The following PAN3 variants were observed in gnomAD, a reference collection of about 807,000 sequenced individuals.
The protein encoded by PAN3 is poly(A) specific ribonuclease subunit PAN3.
In PAN3, 19 loss-of-function variants were observed where a neutral mutation model predicts 96.2. The observed-to-expected ratio is 0.20, with a 90% confidence interval of 0.14 to 0.29. The LOEUF (loss-of-function observed/expected upper bound fraction) is 0.29, where lower values mean the gene tolerates loss of function less well. Among genes scored for constraint, PAN3 ranks in the 10% least tolerant of loss-of-function variants. PAN3 has a pLI of 1.00. For missense variants in PAN3, 882 were observed against 1,108.1 expected (o/e 0.80, Z 2.90); for synonymous variants, 433 against 406.6 (o/e 1.06, Z -0.78).
intron 6 of PAN3, among the ~76,000 whole-genome samples, chr13:28,242,207 T>C (rs1883734435): frequency 6.6e-6 from 1 of 152,204 alleles, no homozygotes; most frequent in South Asian, 2.1e-4. Context: ...TGCTGCTTGA[T>C]AGCATGATCA....
At chr13:28,279,487 C>T (rs969177289) in intron 15 of PAN3, among the ~76,000 whole-genome samples, 1 of 152,084 alleles carries the variant, frequency 6.6e-6, no homozygotes, top group Admixed American at 6.5e-5. Flanking sequence ...TGGCCGGGTG[C>T]AGTGGCTCAC....
chr13:28,226,597 C>T (rs899620703), intron 6 of PAN3, among the ~76,000 whole-genome samples: 3 of 151,984 alleles, frequency 2.0e-5, no homozygotes, highest in Admixed American at 6.5e-5. Context: ...TAATTTTTGT[C>T]TTGGAAAATA....
chr13:28,166,213 A>C (rs1420934139), intron 1 of PAN3, among the ~76,000 whole-genome samples: 1 of 152,210 alleles, frequency 6.6e-6, no homozygotes, highest in Admixed American at 6.5e-5. Flanking sequence ...GAAATCAGAC[A>C]AGTTACGCTT....
chr13:28,149,462 A>G (rs998581528), intron 1 of PAN3, among the ~76,000 whole-genome samples: 4 of 152,224 alleles, frequency 2.6e-5, no homozygotes, highest in Non-Finnish European at 5.9e-5. Flanking sequence ...AATGGCTCAC[A>G]TATCTAGAAA....
chr13:28,249,639 G>A (rs1884532206), intron 6 of PAN3, among the ~76,000 whole-genome samples: 1 of 151,812 alleles, frequency 6.6e-6, no homozygotes, highest in East Asian at 1.9e-4. Flanking sequence ...TAGTAGAGAC[G>A]GGGTTTCACC....
chr13:28,261,996 A>T (rs1259244335), intron 9 of PAN3, among the ~76,000 whole-genome samples: 1 of 152,174 alleles, frequency 6.6e-6, no homozygotes, highest in Non-Finnish European at 1.5e-5. Context: ...TATCTCCTGA[A>T]ACTTAATGAA....
intron 1 of PAN3, among the ~76,000 whole-genome samples, chr13:28,148,661 A>G (rs1375907973): frequency 6.6e-6 from 1 of 152,172 alleles, no homozygotes; most frequent in Non-Finnish European, 1.5e-5. Context: ...ACTGACAAAT[A>G]TTCTTTGCCT....
intron 1 of PAN3, among the ~76,000 whole-genome samples, chr13:28,147,158 A>T (rs543010979): frequency 3.3e-5 from 5 of 152,368 alleles, no homozygotes; most frequent in Admixed American, 2.0e-4. Context: ...CCGAAATTTT[A>T]ATTTTATTGC....
In PAN3 at chr13:28,230,544, T is replaced by A. The variant is rs538612978; in HGVS notation, c.1000+10166T>A. 6.4e-4 allele frequency among the ~76,000 whole-genome samples: 97 copies of A among 152,202 alleles called. No homozygotes were observed. In the South Asian group the frequency reaches 6.4e-3, roughly 10 times the overall value. On this transcript the variant is annotated intron_variant, in intron 6 of 18. Transcript: ENST00000380958. ...CAACTAAATTGTTCACATGAGAACA[T>A]GTCCTGGCAAAAAAAGAAAGAGAAA... is the stretch of plus-strand genomic sequence containing the variant.
chr13:28,147,274 A>T (rs9513049), intron 1 of PAN3, among the ~76,000 whole-genome samples: 1 of 152,210 alleles, frequency 6.6e-6, no homozygotes, highest in African/African-American at 2.4e-5. Flanking sequence ...TTCATTTATC[A>T]GAATGTAGCC....
At chr13:28,236,034 A>G (rs919834618) in intron 6 of PAN3, among the ~76,000 whole-genome samples, 5 of 152,068 alleles carry the variant, frequency 3.3e-5, no homozygotes, top group African/African-American at 1.2e-4. Flanking sequence ...CATGGCCTTC[A>G]TGTTAGTTTT....
intron 1 of PAN3, among the ~76,000 whole-genome samples, chr13:28,168,848 C>T (rs1277736365): frequency 6.6e-6 from 1 of 151,820 alleles, no homozygotes; most frequent in African/African-American, 2.4e-5. Flanking sequence ...GAAACCCCGT[C>T]TCTATTAAAA....
intron 5 of PAN3, among the ~76,000 whole-genome samples, chr13:28,213,734 T>C (rs1419275969): frequency 1.3e-5 from 2 of 148,820 alleles, no homozygotes; most frequent in Non-Finnish European, 3.0e-5. Flanking sequence ...TGGGGGATAC[T>C]TCAGACTATT....
intron 1 of PAN3, among the ~76,000 whole-genome samples, chr13:28,143,264 C>T (rs766353441): frequency 2.0e-5 from 3 of 151,884 alleles, no homozygotes; most frequent in Non-Finnish European, 2.9e-5. Context: ...CGTAACATTT[C>T]GTATTTCTGT....
intron 1 of PAN3, among the ~76,000 whole-genome samples, chr13:28,144,609 A>G (rs1210000563): frequency 6.6e-6 from 1 of 151,916 alleles, no homozygotes; most frequent in African/African-American, 2.4e-5. Flanking sequence ...GTAAAAGTGC[A>G]TTTGATGAGA....
intron 1 of PAN3, among the ~76,000 whole-genome samples, chr13:28,139,551 T>TGTGTGTGTGG (rs60579592): frequency 3.4e-5 from 3 of 87,000 alleles, no homozygotes; most frequent in African/African-American, 1.3e-4. Flanking sequence ...TGTGTGTGTG[T>TGTGTGTGTGG]AGGGGGCGGG....
intron 6 of PAN3, among the ~76,000 whole-genome samples, chr13:28,233,439 G>A (rs1445513609): frequency 2.0e-5 from 3 of 151,818 alleles, no homozygotes; most frequent in Admixed American, 6.6e-5. Flanking sequence ...GCTAACTTTT[G>A]TATTTTTAGT....
At chr13:28,267,460 T>A in intron 12 of PAN3, 59 bp downstream of exon 12, 1 of 1,342,422 alleles carries the variant, frequency 7.4e-7, no homozygotes, top group Non-Finnish European at 1.1e-6. Flanking sequence ...TGTGGAAGAG[T>A]AGTTTTCTAT....
At chr13:28,182,396 A>G (rs1875908210) in intron 4 of PAN3, among the ~76,000 whole-genome samples, 1 of 151,298 alleles carries the variant, frequency 6.6e-6, no homozygotes, top group Non-Finnish European at 1.5e-5. Flanking sequence ...TACTTCTTCC[A>G]TTTCTTTGGT....
Sources: gnomAD v4.1 joint callset for allele counts (sites outside exome capture counted in the v4.1 genomes callset) on GRCh38, gnomAD v4.1.1 for gene constraint, MANE v1.5 for transcripts, NCBI Gene and HGNC (gene_info 2026-07-23, HGNC 2026-07-21) for gene names.